The following CPLANE1 variants were observed in gnomAD, a reference collection of about 807,000 sequenced individuals.
The protein encoded by CPLANE1 is ciliogenesis and planar polarity effector complex subunit 1.
Under a neutral mutation model 362.5 loss-of-function variants are expected in CPLANE1, and 263 were observed. The observed-to-expected ratio is 0.73, with a 90% confidence interval of 0.66 to 0.80. The LOEUF is 0.80. Ranked by LOEUF, CPLANE1 falls within the 30% of genes least tolerant of loss-of-function variation. CPLANE1 has a pLI of 0.00. For synonymous variants in CPLANE1, 1,212 were observed against 1,302.6 expected, an observed-to-expected ratio of 0.93 and a Z score of 1.50; for missense variants, 3,461 against 3,793.4, an observed-to-expected ratio of 0.91 and a Z score of 2.30.
chr5:37,107,186 C>A lies in CPLANE1; in HGVS notation c.*416G>T. 2 of 986,104 alleles carry A rather than the reference C, an allele frequency of 2.0e-6. No individual in the cohort carries two copies. Among genetic ancestry groups the A allele is most frequent in the Non-Finnish European group, 1.2e-6 (1 of 830,216 alleles). The allele number at this position is 986,104 out of a possible 1,614,324, so 61.1% of individuals were successfully genotyped here. On this transcript the variant is annotated 3_prime_UTR_variant, in exon 53 of 53. Coordinates refer to ENST00000651892, the MANE Select transcript of CPLANE1 (RefSeq NM_001384732.1). Reference sequence around the variant, plus strand: ...TTCATAATTGAGTTCTCAGGTGAGACTGATTTTCTTCTCAATGAAAAGATT... The same window carrying A: ...TTCATAATTGAGTTCTCAGGTGAGAATGATTTTCTTCTCAATGAAAAGATT...
intron 27 of CPLANE1, 92 bp downstream of exon 27, chr5:37,180,765 T>C: frequency 8.0e-7 from 1 of 1,257,180 alleles, no homozygotes; most frequent in Non-Finnish European, 1.1e-6. Flanking sequence ...GCTCATTCCT[T>C]TAACTTTCAA....
At chr5:37,164,201 T>G in intron 37 of CPLANE1, 72 bp downstream of exon 37, 1 of 1,173,804 alleles carries the variant, frequency 8.5e-7, no homozygotes, top group Non-Finnish European at 1.3e-6. Flanking sequence ...CTCATTTTCA[T>G]ATTGTACATA....
intron 46 of CPLANE1, among the ~76,000 whole-genome samples, chr5:37,126,874 A>G (rs1399456123): frequency 1.3e-5 from 2 of 152,188 alleles, no homozygotes; most frequent in Non-Finnish European, 2.9e-5. Flanking sequence ...CTTGAGACAG[A>G]TGCATCACCC....
intron 46 of CPLANE1, 95 bp downstream of exon 46, chr5:37,138,625 G>C (rs887448059): frequency 1.5e-6 from 2 of 1,333,686 alleles, no homozygotes; most frequent in Non-Finnish European, 2.1e-6. Flanking sequence ...CTTCAGATTT[G>C]TTTCATAAAA....
At chr5:37,196,753 C>A (rs1458020749) in intron 20 of CPLANE1, among the ~76,000 whole-genome samples, 1 of 152,038 alleles carries the variant, frequency 6.6e-6, no homozygotes, top group African/African-American at 2.4e-5. Context: ...GGTGAAACTC[C>A]ATCTCTACTA....
intron 51 of CPLANE1, among the ~76,000 whole-genome samples, chr5:37,110,380 G>A (rs912856738): frequency 5.9e-5 from 9 of 152,062 alleles, no homozygotes; most frequent in African/African-American, 2.2e-4. Flanking sequence ...GCCTGAAACT[G>A]TTTTGCCTTA....
In CPLANE1 at chr5:37,120,050, GA is replaced by G. The variant is rs527363028; in HGVS notation, c.9310+165del. 1.1e-3 allele frequency among the ~76,000 whole-genome samples: 160 copies of G among 143,800 alleles called. 1 individual carries two copies. Among genetic ancestry groups the G allele is most frequent in the African/African-American group, 3.3e-3 (130 of 39,494 alleles). The allele number at this position is 143,800 out of a possible 152,430, so 94.3% of individuals were successfully genotyped here. A position where few individuals can be genotyped will look rare whatever the true frequency, so the allele number is the denominator to read the frequency against. On this transcript the variant is annotated intron_variant, in intron 50 of 52. Coordinates refer to ENST00000651892, the MANE Select transcript of CPLANE1 (RefSeq NM_001384732.1). The stretch of plus-strand genomic sequence containing the variant: ...ATTCCTAGGGCCTTACTTCAAAGCA[GA>G]AAAAAAAAAAATTACAGCTAAGTCT...
chr5:37,124,991 A>G, intron 47 of CPLANE1: 3 of 1,220,780 alleles, frequency 2.5e-6, no homozygotes, highest in Non-Finnish European at 2.0e-6. Context: ...TCCTCTTGTT[A>G]AAATGCTATA....
intron 26 of CPLANE1, among the ~76,000 whole-genome samples, chr5:37,181,221 TCAAAAGAAATCAGCCTTA>T (rs1164744973): frequency 6.6e-6 from 1 of 152,160 alleles, no homozygotes; most frequent in Non-Finnish European, 1.5e-5. Context: ...TAAATAGTAT[TCAAAAGAAATCAGCCTTA>T]CAAATTTGTA....
At chr5:37,206,891 A>AT (rs2150136681) in intron 16 of CPLANE1, among the ~76,000 whole-genome samples, 1 of 152,032 alleles carries the variant, frequency 6.6e-6, no homozygotes, top group East Asian at 1.9e-4. Context: ...AGATTATGAA[A>AT]TGTAGAAGGC....
chr5:37,096,434 A>T, the CPLANE1 span, among the ~76,000 whole-genome samples: 2 of 152,196 alleles, frequency 1.3e-5, no homozygotes, highest in Non-Finnish European at 2.9e-5. Flanking sequence ...TAAATATAAG[A>T]CCTGAAACTA....
chr5:37,211,339 A>T, intron 16 of CPLANE1: 1 of 1,505,936 alleles, frequency 6.6e-7, no homozygotes, highest in Non-Finnish European at 8.9e-7. Context: ...GACATTAAAA[A>T]CTCTGCCAAA....
chr5:37,209,798 A>G lies in CPLANE1; in HGVS notation c.2921-3373T>C. On this transcript the variant is annotated intron_variant, in intron 16 of 52. Coordinates refer to ENST00000651892, the MANE Select transcript of CPLANE1 (RefSeq NM_001384732.1). This position sits in a 1 kb window ranked among gnomAD's most constrained non-coding sequence, Gnocchi z 4.6. ...AAGGTTTTCTTATGCATTTTTTAAA[A>G]GGATTGGCAGAATATCATCAAGCTA... is the stretch of plus-strand genomic sequence containing the variant. 7.6e-7 allele frequency: 1 copy of G among 1,320,362 alleles called. No individual in the cohort carries two copies. The highest frequency in any genetic ancestry group is 1.1e-6 in the Non-Finnish European group (1 of 915,188). The allele number at this position is 1,320,362 out of a possible 1,614,324, so 81.8% of individuals were successfully genotyped here.
intron 21 of CPLANE1, among the ~76,000 whole-genome samples, chr5:37,189,593 T>C (rs563618116): frequency 1.4e-4 from 21 of 152,360 alleles, no homozygotes; most frequent in Non-Finnish European, 7.3e-5. Context: ...AAACATCCTT[T>C]ATCTGTGTTT....
chr5:37,107,436 A>G lies in CPLANE1; in HGVS notation c.*166T>C. ...CCCATAAAGGCAAAGTTACTGAGAA[A>G]TGTTTATTTTTCCTCTGGTAATGGC... On this transcript the variant is annotated 3_prime_UTR_variant, in exon 53 of 53. Coordinates refer to ENST00000651892, the MANE Select transcript of CPLANE1 (RefSeq NM_001384732.1). 7.0e-6 allele frequency: 9 copies of G among 1,283,002 alleles called. No homozygotes were observed. The South Asian group carries it at 3.0e-4, about 43-fold the overall frequency. The allele number at this position is 1,283,002 out of a possible 1,614,324, so 79.5% of individuals were successfully genotyped here. A position where few individuals can be genotyped will look rare whatever the true frequency, so the allele number is the denominator to read the frequency against.
At chr5:37,077,807 G>T in the CPLANE1 span, among the ~76,000 whole-genome samples, 1 of 151,406 alleles carries the variant, frequency 6.6e-6, no homozygotes, top group Non-Finnish European at 1.5e-5. Context: ...GTAGAGACAG[G>T]GTCTCACTAT....
chr5:37,205,250 CT>C lies in CPLANE1; in HGVS notation c.3289+64del, dbSNP rs1319704850. Reference sequence around the variant, plus strand: ...TAATACATTTGTAGACATGTATAAACTTTTTAAGGTATTATAAGGTTTATAT... The same window carrying C: ...TAATACATTTGTAGACATGTATAAACTTTTAAGGTATTATAAGGTTTATAT... On this transcript the variant is annotated intron_variant, in intron 18 of 52. Transcript: ENST00000651892. 17 of 1,197,852 alleles carry C rather than the reference CT, an allele frequency of 1.4e-5. No homozygotes were observed. In the African/African-American group the frequency reaches 2.5e-4, roughly 18 times the overall value. 74.2% of individuals were successfully genotyped at this position (1,197,852 alleles called of 1,614,324 possible).
chr5:37,180,459 G>C (rs1782384272), intron 27 of CPLANE1, among the ~76,000 whole-genome samples: 1 of 152,120 alleles, frequency 6.6e-6, no homozygotes, highest in Admixed American at 6.6e-5. Flanking sequence ...TTACTCGAAT[G>C]ATTGGAATAA....
chr5:37,148,724 T>C (rs1209683320), intron 42 of CPLANE1, among the ~76,000 whole-genome samples: 2 of 152,172 alleles, frequency 1.3e-5, no homozygotes, highest in Non-Finnish European at 2.9e-5. Flanking sequence ...TATTTATGTG[T>C]ACATTATAAT....
Sources: gnomAD v4.1 joint callset for allele counts (sites outside exome capture counted in the v4.1 genomes callset) on GRCh38, gnomAD v4.1.1 for gene constraint, Gnocchi (gnomAD v3.1) non-coding constraint, MANE v1.5 for transcripts, NCBI Gene and HGNC (gene_info 2026-07-23, HGNC 2026-07-21) for gene names.